ARHGAP28: variants seen among roughly 807,000 people sequenced by gnomAD.
ARHGAP28 encodes Rho GTPase activating protein 28.
Under a neutral mutation model 90.7 loss-of-function variants are expected in ARHGAP28, and 56 were observed. The ratio of observed to expected loss-of-function variants is 0.62; its 90% CI spans 0.50 to 0.77. The LOEUF (loss-of-function observed/expected upper bound fraction) is 0.77. Ranked by LOEUF, ARHGAP28 falls within the 30% of genes least tolerant of loss-of-function variation. ARHGAP28 has a pLI of 0.00. For synonymous variants in ARHGAP28, 308 were observed against 323.3 expected (o/e 0.95, Z 0.51); for missense variants, 869 against 900.9 (o/e 0.96, Z 0.45).
At chr18:6,856,369 C>G (rs1284943333) in intron 4 of ARHGAP28, among the ~76,000 whole-genome samples, 1 of 152,034 alleles carries the variant, frequency 6.6e-6, no homozygotes, top group Non-Finnish European at 1.5e-5. Flanking sequence ...CAGCAATGGC[C>G]CTTTTCAGTT....
chr18:6,773,926 G>C (rs186774658), intron 1 of ARHGAP28: 1 of 152,290 alleles, frequency 6.6e-6, no homozygotes, highest in Non-Finnish European at 1.5e-5. Flanking sequence ...AGTTTGAGCT[G>C]AGACACAAAC....
chr18:6,831,820 G>T (rs1600225392), intron 2 of ARHGAP28, among the ~76,000 whole-genome samples: 3 of 152,086 alleles, frequency 2.0e-5, no homozygotes, highest in Admixed American at 6.5e-5. Context: ...GTTTTACAGG[G>T]AACGGGTTCA....
At chr18:6,886,463 A>G (rs901298594) in intron 11 of ARHGAP28, among the ~76,000 whole-genome samples, 1 of 152,338 alleles carries the variant, frequency 6.6e-6, no homozygotes, top group Middle Eastern at 3.4e-3. Flanking sequence ...GAAAATACTC[A>G]ACAATCTCCA....
intron 1 of ARHGAP28, among the ~76,000 whole-genome samples, chr18:6,801,344 G>A (rs1434763040): frequency 6.6e-6 from 1 of 152,076 alleles, no homozygotes; most frequent in Non-Finnish European, 1.5e-5. Flanking sequence ...GTATTTTTGG[G>A]CTCTATTCTG....
chr18:6,841,208 C>CCTCTCTCTCTCTCCTCTCTCT (rs2056822337), intron 3 of ARHGAP28, among the ~76,000 whole-genome samples: 3 of 43,136 alleles, frequency 7.0e-5, no homozygotes, highest in Non-Finnish European at 1.3e-4. Context: ...TCTCTCCTCT[C>CCTCTCTCTCTCTCCTCTCTCT]CTCTCTCTCT....
At chr18:6,782,736 C>T (rs575941934) in intron 1 of ARHGAP28, among the ~76,000 whole-genome samples, 1 of 150,020 alleles carries the variant, frequency 6.7e-6, no homozygotes, top group Non-Finnish European at 1.5e-5. Context: ...AGGCGTGAGC[C>T]ACCACACCCA....
At chr18:6,853,786 T>A (rs963256682) in intron 4 of ARHGAP28, among the ~76,000 whole-genome samples, 6 of 152,074 alleles carry the variant, frequency 3.9e-5, no homozygotes, top group Non-Finnish European at 8.8e-5. Context: ...ATTCAGAAAA[T>A]TTTTAAATCT....
chr18:6,777,477 C>A (rs570073335), intron 1 of ARHGAP28, among the ~76,000 whole-genome samples: 39 of 152,244 alleles, frequency 2.6e-4, no homozygotes, highest in African/African-American at 8.7e-4. Flanking sequence ...AATCCCAGCA[C>A]TTTGGAGGGC....
chr18:6,781,412 C>T lies in ARHGAP28; in HGVS notation c.123-43350C>T, dbSNP rs530032393. 3.9e-5 allele frequency among the ~76,000 whole-genome samples: 6 copies of T among 152,314 alleles called. No individual in the cohort carries two copies. The South Asian group carries it at 6.2e-4, about 16-fold the overall frequency. On this transcript the variant is annotated intron_variant, in intron 1 of 17. Transcript: ENST00000383472. ...GGGGATCCTTATCTCCAGCCAGGCA[C>T]GTCTGTCAGGCTCTGAGAATCAATC...
chr18:6,785,209 A>T (rs189316813), intron 1 of ARHGAP28, among the ~76,000 whole-genome samples: 64 of 152,342 alleles, frequency 4.2e-4, no homozygotes, highest in Non-Finnish European at 5.9e-5. Flanking sequence ...TAGTTCACAT[A>T]AATGAAATAA....
chr18:6,814,425 AACAG>A (rs1445791403), intron 1 of ARHGAP28, among the ~76,000 whole-genome samples: 4 of 152,202 alleles, frequency 2.6e-5, no homozygotes, highest in Admixed American at 6.5e-5. Flanking sequence ...GAAGCGAGAA[AACAG>A]ACAAAGGAAA....
rs77175408 is a variant in ARHGAP28, at chr18:6,879,915, G to A, written c.1291-2222G>A. On this transcript the variant is annotated intron_variant, in intron 10 of 17. Transcript: ENST00000383472. ...TTCGGATAAAAGCCTAAAGGATCTG[G>A]TTGTAGCACCTGCCCTTGACCCTGG... Among the ~76,000 whole-genome samples, 1,265 of 152,346 alleles carry A rather than the reference G, an allele frequency of 8.3e-3. 15 individuals are homozygous for A. The highest frequency in any genetic ancestry group is 0.029 in the African/African-American group (1,216 of 41,578).
In ARHGAP28 at chr18:6,729,923, A is replaced by G; in HGVS notation, c.102A>G (p.Ala34=). ...NAESRCAPRA[A]ASHPLSRKSI... Reference sequence around the variant, plus strand: ...AGTCGCGCTGCGCGCCCCGCGCCGCAGCCAGCCACCCGCTCAGCAGGTACC... The same window carrying G: ...AGTCGCGCTGCGCGCCCCGCGCCGCGGCCAGCCACCCGCTCAGCAGGTACC... Residue 34 remains alanine, a synonymous_variant, in exon 1 of 18, where the codon GCA becomes GCG. Transcript: ENST00000383472. 7.1e-7 allele frequency: 1 copy of G among 1,400,366 alleles called. No homozygotes were observed. Among genetic ancestry groups the G allele is most frequent in the South Asian group, 1.6e-5 (1 of 63,980 alleles). The allele number at this position is 1,400,366 out of a possible 1,614,324, so 86.7% of individuals were successfully genotyped here.
At chr18:6,844,882 T>A (rs961758332) in intron 3 of ARHGAP28, among the ~76,000 whole-genome samples, 4 of 152,222 alleles carry the variant, frequency 2.6e-5, no homozygotes, top group African/African-American at 9.6e-5. Context: ...AATTCACAAA[T>A]AATTATATGC....
intron 1 of ARHGAP28, among the ~76,000 whole-genome samples, chr18:6,742,158 TTTTTCTTTTTC>T (rs2055983710): frequency 1.4e-5 from 2 of 139,156 alleles, no homozygotes; most frequent in Admixed American, 7.4e-5. Context: ...CTTTTTTTCT[TTTTTCTTTTTC>T]TTTTTTTTTT....
At chr18:6,881,574 A>C (rs1344343125) in intron 10 of ARHGAP28, among the ~76,000 whole-genome samples, 1 of 152,358 alleles carries the variant, frequency 6.6e-6, no homozygotes, top group South Asian at 2.1e-4. Flanking sequence ...GCAAGCATGC[A>C]AACATGTGGA....
At chr18:6,904,815 C>A (rs2143837205) in intron 16 of ARHGAP28, among the ~76,000 whole-genome samples, 1 of 152,170 alleles carries the variant, frequency 6.6e-6, no homozygotes, top group South Asian at 2.1e-4. Context: ...CTAATAAATT[C>A]AAAAACTTAG....
intron 6 of ARHGAP28, among the ~76,000 whole-genome samples, chr18:6,869,875 G>A (rs938745032): frequency 5.9e-5 from 9 of 152,154 alleles, no homozygotes; most frequent in African/African-American, 2.2e-4. Context: ...CCGAAATCAG[G>A]TTAGGATCGC....
intron 16 of ARHGAP28, among the ~76,000 whole-genome samples, chr18:6,899,101 A>T (rs1471155144): frequency 6.6e-6 from 1 of 152,178 alleles, no homozygotes; most frequent in Non-Finnish European, 1.5e-5. Context: ...ACTTGTTAGA[A>T]CTATGGCCTA....
Sources: gnomAD v4.1 joint callset for allele counts (sites outside exome capture counted in the v4.1 genomes callset) on GRCh38, gnomAD v4.1.1 for gene constraint, MANE v1.5 for transcripts, NCBI Gene and HGNC (gene_info 2026-07-23, HGNC 2026-07-21) for gene names.